Variants in TSPAN7 observed in about 807,000 individuals in gnomAD.
The protein encoded by TSPAN7 is tetraspanin 7.
A neutral mutation model predicts 17.6 loss-of-function variants in TSPAN7; 1 was observed. That is an observed-to-expected ratio of 0.06 (90% confidence interval 0.02 to 0.27). The LOEUF (loss-of-function observed/expected upper bound fraction) is 0.27. Ranked by LOEUF, TSPAN7 falls within the 10% of genes least tolerant of loss-of-function variation. The pLI is 1.00. For synonymous variants in TSPAN7, 78 were observed against 79.0 expected, an observed-to-expected ratio of 0.99 and a Z score of 0.07; for missense variants, 112 against 201.7, an observed-to-expected ratio of 0.56 and a Z score of 2.69.
intron 1 of TSPAN7, among the ~76,000 whole-genome samples, chrX:38,573,103 T>C (rs922099806): frequency 1.8e-5 from 2 of 111,853 alleles, no homozygotes; most frequent in African/African-American, 3.2e-5. Flanking sequence ...GTGATACATA[T>C]ATATTTTGGA....
chrX:38,563,574 G>C (rs1461312871), intron 1 of TSPAN7, among the ~76,000 whole-genome samples: 1 of 110,870 alleles, frequency 9.0e-6, no homozygotes, highest in Non-Finnish European at 1.9e-5. Flanking sequence ...TAAAGAAGGG[G>C]GTCTTCCAGG....
intron 1 of TSPAN7, among the ~76,000 whole-genome samples, chrX:38,583,993 G>T (rs1228446052): frequency 1.2e-5 from 1 of 81,057 alleles, no homozygotes; most frequent in Non-Finnish European, 2.2e-5. Context: ...TTGCTCTGTC[G>T]CCCAGGCTGG....
At chrX:38,669,311 A>G (rs2069805241) in intron 2 of TSPAN7, among the ~76,000 whole-genome samples, 1 of 111,694 alleles carries the variant, frequency 9.0e-6, no homozygotes, top group African/African-American at 3.3e-5. Flanking sequence ...ATGATATTTT[A>G]TTTTTCTCCT....
At chrX:38,622,241 T>G (rs937299512) in intron 1 of TSPAN7, among the ~76,000 whole-genome samples, 11 of 112,608 alleles carry the variant, frequency 9.8e-5, no homozygotes, top group African/African-American at 3.6e-4. Flanking sequence ...TCAGAATAAC[T>G]GAATATCCTT....
chrX:38,657,583 A>C (rs1602116127), intron 1 of TSPAN7, among the ~76,000 whole-genome samples: 1 of 111,911 alleles, frequency 8.9e-6, no homozygotes, highest in Non-Finnish European at 1.9e-5. Flanking sequence ...GTTGAATTTG[A>C]TATTTGCCCC....
chrX:38,676,137 C>T (rs1377828381), intron 5 of TSPAN7, among the ~76,000 whole-genome samples: 1 of 111,343 alleles, frequency 9.0e-6, no homozygotes, highest in Non-Finnish European at 1.9e-5. Flanking sequence ...AACCCTGATG[C>T]TTATGTCAGA....
intron 1 of TSPAN7, among the ~76,000 whole-genome samples, chrX:38,660,069 C>T (rs1339202633): frequency 1.3e-4 from 14 of 109,689 alleles, no homozygotes; most frequent in East Asian, 2.8e-4. Flanking sequence ...TCAAGTGATC[C>T]GCCCACCTCT....
intron 1 of TSPAN7, among the ~76,000 whole-genome samples, chrX:38,610,106 G>A (rs748476060): frequency 1.0e-3 from 112 of 111,899 alleles, no homozygotes; most frequent in African/African-American, 3.5e-3. Flanking sequence ...TGGCTTGACA[G>A]TTTATCCAGC....
chrX:38,579,231 C>A (rs745887039), intron 1 of TSPAN7, among the ~76,000 whole-genome samples: 1 of 111,129 alleles, frequency 9.0e-6, no homozygotes. Context: ...TTTTTTACCA[C>A]ATCATCTCAT....
At chrX:38,676,606 A>G (rs1370558418) in intron 5 of TSPAN7, among the ~76,000 whole-genome samples, 1 of 111,887 alleles carries the variant, frequency 8.9e-6, no homozygotes, top group Non-Finnish European at 1.9e-5. Flanking sequence ...AACAAAAGGG[A>G]GGAAAAAACC....
intron 1 of TSPAN7, among the ~76,000 whole-genome samples, chrX:38,657,825 G>T (rs1399100089): frequency 8.9e-6 from 1 of 112,511 alleles, no homozygotes; most frequent in Non-Finnish European, 1.9e-5. Flanking sequence ...TGAAGAGACT[G>T]TAATAGACCC....
chrX:38,563,477 A>G (rs67170613), intron 1 of TSPAN7, among the ~76,000 whole-genome samples: 2,816 of 89,589 alleles, frequency 0.031, 91 homozygotes, highest in African/African-American at 0.16. Context: ...TCATATTGGG[A>G]GGGGGGAGGT....
At chrX:38,668,152 C>CA (rs2069795072) in intron 2 of TSPAN7, among the ~76,000 whole-genome samples, 1 of 112,100 alleles carries the variant, frequency 8.9e-6, no homozygotes, top group Non-Finnish European at 1.9e-5. Flanking sequence ...TCTTTAGCGG[C>CA]AAGGATGTAA....
At chrX:38,574,680 G>A (rs1183222620) in intron 1 of TSPAN7, among the ~76,000 whole-genome samples, 1 of 111,280 alleles carries the variant, frequency 9.0e-6, no homozygotes, top group Non-Finnish European at 1.9e-5. Flanking sequence ...ATACTGACAG[G>A]ATTTGGGGGA....
intron 1 of TSPAN7, among the ~76,000 whole-genome samples, chrX:38,584,797 T>G (rs2069249129): frequency 8.9e-6 from 1 of 112,052 alleles, no homozygotes; most frequent in African/African-American, 3.2e-5. Context: ...TCCCTCTCTA[T>G]CATGTTCTCC....
At position 38,680,005 on chromosome X, in the gene TSPAN7, A is replaced by G. The variant is rs1324185415; in HGVS notation, c.598-1199A>G. On this transcript the variant is annotated intron_variant, in intron 5 of 7. Transcript: ENST00000378482. ...AGAGGGTGGGAGGAGGAAGAAGATC[A>G]GGAAAAACAACTATGGGTACTAGCC... is the stretch of plus-strand genomic sequence containing the variant. Among the ~76,000 whole-genome samples, 5 of 111,739 alleles carry G rather than the reference A, an allele frequency of 4.5e-5. No homozygotes were observed. The East Asian group carries it at 1.4e-3, about 31-fold the overall frequency.
chrX:38,653,715 T>A (rs2069687929), intron 1 of TSPAN7, among the ~76,000 whole-genome samples: 2 of 112,546 alleles, frequency 1.8e-5, no homozygotes, highest in Admixed American at 1.9e-4. Flanking sequence ...GAACATGCTT[T>A]CATTTCTATA....
At chrX:38,568,744 A>AT (rs1330527103) in intron 1 of TSPAN7, among the ~76,000 whole-genome samples, 1 of 107,959 alleles carries the variant, frequency 9.3e-6, no homozygotes, top group African/African-American at 3.4e-5. Flanking sequence ...CTTTACCTTC[A>AT]TTTTTTTCTG....
intron 1 of TSPAN7, among the ~76,000 whole-genome samples, chrX:38,660,686 A>T (rs983868406): frequency 8.0e-5 from 9 of 112,076 alleles, no homozygotes; most frequent in African/African-American, 2.3e-4. Context: ...CTAAAATGCA[A>T]TCTAGCTAAG....
Sources: allele counts gnomAD v4.1 joint callset (sites outside exome capture counted in the v4.1 genomes callset), GRCh38; gene constraint gnomAD v4.1.1; transcripts MANE v1.5; gene names NCBI Gene and HGNC (gene_info 2026-07-23, HGNC 2026-07-21).